Variants in NTRK2 observed in about 807,000 individuals in gnomAD.
NTRK2 encodes BDNF/NT-3 growth factors receptor.
A neutral mutation model predicts 94.5 loss-of-function variants in NTRK2; 13 were observed. That is an observed-to-expected ratio of 0.14 (90% CI 0.09 to 0.22). The LOEUF (loss-of-function observed/expected upper bound fraction) is 0.22, where lower values mean the gene tolerates loss of function less well. Among genes scored for constraint, NTRK2 ranks in the 10% least tolerant of loss-of-function variants. The pLI is 1.00. For missense variants in NTRK2, 639 were observed against 1,071.2 expected, an observed-to-expected ratio of 0.60 and a Z score of 5.63; for synonymous variants, 372 against 407.4, an observed-to-expected ratio of 0.91 and a Z score of 1.05.
rs145578754 is a variant in NTRK2 at position 84,760,333 on chromosome 9, T to G, written c.1396+8248T>G. ...ACTAATTCTCTAAGAGGTAGTTACT[T>G]TTCAGATTTATGTTTTAGTAATACA... On this transcript the variant is annotated intron_variant, in intron 12 of 18. Coordinates refer to ENST00000277120, the MANE Select transcript of NTRK2 (RefSeq NM_006180.6). Among the ~76,000 whole-genome samples the G allele has an allele frequency of 1.8e-4, 27 of 152,358 alleles. 1 individual carries two copies. The East Asian group carries it at 5.0e-3, about 28-fold the overall frequency.
Position 84,738,688 on chromosome 9 carries a change from G to A in NTRK2, c.1160-3204G>A, listed in dbSNP as rs142208755. Reference sequence around the variant, plus strand: ...AAACATTAGGTCTCTATCCTCTCACGTGCCAGTCTAACTAAACCTTTGTAT... The same window carrying A: ...AAACATTAGGTCTCTATCCTCTCACATGCCAGTCTAACTAAACCTTTGTAT... On this transcript the variant is annotated intron_variant, in intron 9 of 18. Coordinates refer to ENST00000277120, the MANE Select transcript of NTRK2 (RefSeq NM_006180.6). 1.7e-4 allele frequency among the ~76,000 whole-genome samples: 26 copies of A among 152,216 alleles called. No individual in the cohort carries two copies. The East Asian group carries it at 3.1e-3, about 18-fold the overall frequency.
intron 12 of NTRK2, among the ~76,000 whole-genome samples, chr9:84,765,799 G>A (rs1429124208): frequency 6.6e-6 from 1 of 151,882 alleles, no homozygotes; most frequent in Admixed American, 6.6e-5. Context: ...TTAAATTTTG[G>A]TAATTCTGTT....
At chr9:84,968,318 G>T (rs375588559) in intron 17 of NTRK2, among the ~76,000 whole-genome samples, 1 of 152,142 alleles carries the variant, frequency 6.6e-6, no homozygotes, top group African/African-American at 2.4e-5. Flanking sequence ...GGCAAGGGTC[G>T]CCTGGTGTAT....
intron 2 of NTRK2, among the ~76,000 whole-genome samples, chr9:84,676,530 G>T (rs918376926): frequency 6.6e-6 from 1 of 152,138 alleles, no homozygotes; most frequent in Non-Finnish European, 1.5e-5. Flanking sequence ...AAAGAGAAAG[G>T]GCTTTAGAAA....
At chr9:84,953,995 TGGGGGAA>T (rs1823792071) in intron 16 of NTRK2, among the ~76,000 whole-genome samples, 1 of 152,170 alleles carries the variant, frequency 6.6e-6, no homozygotes, top group Non-Finnish European at 1.5e-5. Flanking sequence ...CTTGAATAGT[TGGGGGAA>T]GGAGGGCGGA....
chr9:84,920,886 A>G (rs2132574779), intron 14 of NTRK2, among the ~76,000 whole-genome samples: 1 of 152,366 alleles, frequency 6.6e-6, no homozygotes, highest in African/African-American at 2.4e-5. Flanking sequence ...TTCAGCATAA[A>G]TTCCAGTATA....
chr9:84,962,486 C>T (rs552266344), intron 17 of NTRK2, among the ~76,000 whole-genome samples: 1 of 148,422 alleles, frequency 6.7e-6, no homozygotes, highest in Non-Finnish European at 1.5e-5. Flanking sequence ...TCCTTGTGTC[C>T]CCTTTTTTTT....
At chr9:84,970,121 T>C (rs547409407) in intron 17 of NTRK2, among the ~76,000 whole-genome samples, 2 of 152,128 alleles carry the variant, frequency 1.3e-5, no homozygotes, top group Admixed American at 1.3e-4. Flanking sequence ...CCGGGCATGG[T>C]GGTTCATGCC....
chr9:84,751,940 G>A (rs1279062041), intron 11 of NTRK2, 46 bp from the exon 12 acceptor site: 2 of 1,396,562 alleles, frequency 1.4e-6, no homozygotes, highest in South Asian at 1.2e-5. Context: ...ATGATTATAG[G>A]GAACTAATTA....
Position 84,670,717 on chromosome 9 carries a change from A to G in NTRK2, c.-32A>G, listed in dbSNP as rs201659384. ...GGAAAGCGGCCGGTGCAGCGCGGGG[A>G]CAGGCACTCGGGCTGGCACTGGCTG... On this transcript the variant is annotated 5_prime_UTR_variant, in exon 2 of 19. Coordinates refer to ENST00000277120, the MANE Select transcript of NTRK2 (RefSeq NM_006180.6). 3.1e-5 allele frequency: 49 copies of G among 1,605,102 alleles called. No individual in the cohort carries two copies. The Middle Eastern group carries it at 8.7e-4, about 29-fold the overall frequency.
intron 12 of NTRK2, among the ~76,000 whole-genome samples, chr9:84,837,533 A>G (rs924026251): frequency 1.3e-5 from 2 of 152,238 alleles, no homozygotes; most frequent in African/African-American, 2.4e-5. Context: ...TAGACCCTCA[A>G]TGAATGTTAG....
At chr9:84,936,927 G>A (rs543873138) in intron 15 of NTRK2, among the ~76,000 whole-genome samples, 3 of 152,146 alleles carry the variant, frequency 2.0e-5, no homozygotes, top group South Asian at 4.2e-4. Context: ...CAGAGAGGAT[G>A]TTTATTTCAA....
At chr9:84,682,862 T>C (rs1412105210) in intron 2 of NTRK2, among the ~76,000 whole-genome samples, 1 of 152,206 alleles carries the variant, frequency 6.6e-6, no homozygotes, top group African/African-American at 2.4e-5. Context: ...CCAACCTTAT[T>C]TTCTTCCCAG....
chr9:84,751,214 T>G (rs887073109), intron 11 of NTRK2, among the ~76,000 whole-genome samples: 8 of 152,192 alleles, frequency 5.3e-5, no homozygotes, highest in African/African-American at 1.9e-4. Context: ...CCTTTTATTA[T>G]GGACAATTTT....
chr9:84,796,535 A>G (rs1192652678), intron 12 of NTRK2, among the ~76,000 whole-genome samples: 1 of 152,230 alleles, frequency 6.6e-6, no homozygotes, highest in African/African-American at 2.4e-5. Context: ...GCCAATCTAC[A>G]ATATCTGCCA....
chr9:84,826,376 C>T (rs1192204335), intron 12 of NTRK2, among the ~76,000 whole-genome samples: 1 of 152,184 alleles, frequency 6.6e-6, no homozygotes, highest in African/African-American at 2.4e-5. Flanking sequence ...TAGAAATTCT[C>T]ATTAGATTTA....
At position 84,830,774 on chromosome 9, in the gene NTRK2, C is replaced by A. The variant is rs140321588; in HGVS notation, c.1397-30266C>A. 7.3e-3 allele frequency among the ~76,000 whole-genome samples: 1,115 copies of A among 152,192 alleles called. 8 individuals carry two copies. The highest frequency in any genetic ancestry group is 0.013 in the Non-Finnish European group (869 of 67,992). ...ATTATGATCCCATATTCTGTGTTTACTTCTTCCCTCAAGTGATTTTTAAAA... is the reference window on the plus strand; with the variant it reads ...ATTATGATCCCATATTCTGTGTTTAATTCTTCCCTCAAGTGATTTTTAAAA... On this transcript the variant is annotated intron_variant, in intron 12 of 18. Coordinates refer to ENST00000277120, the MANE Select transcript of NTRK2 (RefSeq NM_006180.6).
intron 11 of NTRK2, among the ~76,000 whole-genome samples, chr9:84,748,870 C>T (rs537287385): frequency 2.0e-5 from 3 of 152,260 alleles, no homozygotes; most frequent in South Asian, 2.1e-4. Flanking sequence ...GAAATGGTTA[C>T]GTTTATCCAT....
At chr9:84,690,556 A>G (rs1333999514) in intron 2 of NTRK2, among the ~76,000 whole-genome samples, 1 of 151,686 alleles carries the variant, frequency 6.6e-6, no homozygotes, top group African/African-American at 2.4e-5. Flanking sequence ...TACAAAAAAA[A>G]ACATTAGCTG....
Sources: allele counts gnomAD v4.1 joint callset (sites outside exome capture counted in the v4.1 genomes callset), GRCh38; gene constraint gnomAD v4.1.1; transcripts MANE v1.5; gene names NCBI Gene and HGNC (gene_info 2026-07-23, HGNC 2026-07-21).